Variants in TRPC1 observed in about 807,000 individuals in gnomAD.
The protein encoded by TRPC1 is short transient receptor potential channel 1.
Under a neutral mutation model 88.2 loss-of-function variants are expected in TRPC1, and 42 were observed. The observed-to-expected ratio is 0.48, with a 90% CI of 0.37 to 0.62. The LOEUF (loss-of-function observed/expected upper bound fraction) is 0.62, where lower values mean the gene tolerates loss of function less well. TRPC1 is among the 20% of genes least tolerant of loss of function. The pLI, the probability that TRPC1 is intolerant of heterozygous loss-of-function variation, is 0.00. For synonymous variants in TRPC1, 288 were observed against 331.8 expected, an observed-to-expected ratio of 0.87 and a Z score of 1.43; for missense variants, 699 against 957.3, an observed-to-expected ratio of 0.73 and a Z score of 3.56.
At chr3:142,771,745 G>A (rs1187579316) in intron 4 of TRPC1, among the ~76,000 whole-genome samples, 1 of 151,926 alleles carries the variant, frequency 6.6e-6, no homozygotes. Flanking sequence ...CTATGTTATA[G>A]GCCAAACATT....
At chr3:142,730,297 C>T (rs1296262458) in intron 1 of TRPC1, among the ~76,000 whole-genome samples, 4 of 152,060 alleles carry the variant, frequency 2.6e-5, no homozygotes, top group African/African-American at 9.7e-5. Flanking sequence ...GCATTACCTT[C>T]TGTGCTATAG....
chr3:142,786,290 A>G (rs73864434), intron 7 of TRPC1, among the ~76,000 whole-genome samples: 3,674 of 152,224 alleles, frequency 0.024, 144 homozygotes, highest in African/African-American at 0.083. Context: ...GATTGTTTCA[A>G]TTATTTAGTA....
chr3:142,763,983 T>TATATATATATATATATATATATATAC (rs1441314374), intron 4 of TRPC1, among the ~76,000 whole-genome samples: 16 of 74,310 alleles, frequency 2.2e-4, no homozygotes, highest in Middle Eastern at 5.7e-3. Flanking sequence ...TATATATATA[T>TATATATATATATATATATATATATAC]ACACATACAT....
chr3:142,752,615 C>T (rs1934812562), intron 4 of TRPC1, among the ~76,000 whole-genome samples: 2 of 152,064 alleles, frequency 1.3e-5, no homozygotes, highest in African/African-American at 4.8e-5. Flanking sequence ...CACCTCAGCA[C>T]AGACCCTTTA....
At chr3:142,790,965 GTTTA>G in intron 7 of TRPC1, 50 bp from the exon 8 acceptor site, 2 of 1,391,582 alleles carry the variant, frequency 1.4e-6, no homozygotes, top group Non-Finnish European at 1.9e-6. Context: ...GTATTATTTA[GTTTA>G]TTTATTGAAT....
At chr3:142,761,237 C>G (rs1396999869) in intron 4 of TRPC1, among the ~76,000 whole-genome samples, 2 of 151,992 alleles carry the variant, frequency 1.3e-5, no homozygotes, top group African/African-American at 2.4e-5. Flanking sequence ...CCTCCTATAC[C>G]TGTTTTGATG....
intron 4 of TRPC1, among the ~76,000 whole-genome samples, chr3:142,775,593 T>C (rs1263342507): frequency 6.6e-6 from 1 of 152,118 alleles, no homozygotes; most frequent in African/African-American, 2.4e-5. Flanking sequence ...CACTCCAGCC[T>C]GGTTAACTGA....
At chr3:142,803,175 C>G (rs897078876) in intron 10 of TRPC1, among the ~76,000 whole-genome samples, 5 of 152,168 alleles carry the variant, frequency 3.3e-5, no homozygotes, top group Non-Finnish European at 7.3e-5. Context: ...AAAAGAGTGT[C>G]TGTGTGTCAG....
chr3:142,754,535 AAAAAAT>A (rs1156943924), intron 4 of TRPC1, among the ~76,000 whole-genome samples: 1 of 152,234 alleles, frequency 6.6e-6, no homozygotes, highest in East Asian at 1.9e-4. Context: ...AAGTATAATA[AAAAAAT>A]AAAAATAAAA....
intron 4 of TRPC1, among the ~76,000 whole-genome samples, chr3:142,775,366 C>A (rs1935731765): frequency 6.6e-6 from 1 of 152,166 alleles, no homozygotes; most frequent in African/African-American, 2.4e-5. Context: ...CGCCTGTAAT[C>A]CCAGCACTTT....
chr3:142,779,861 A>ATTTTTTTTTTTTTTTT (rs1008974297), intron 5 of TRPC1, among the ~76,000 whole-genome samples: 1 of 125,422 alleles, frequency 8.0e-6, no homozygotes, highest in Non-Finnish European at 1.7e-5. Flanking sequence ...AATGTAATTG[A>ATTTTTTTTTTTTTTTT]TTTTTTTTTT....
Position 142,748,447 on chromosome 3 carries a change from C to T in TRPC1, c.619C>T (p.Leu207Phe). ...TTCTGCAAAAAACAAAAAGGATAGC[C>T]TCCGGCATTCCAGGTTAGAACATTA... ...LCSAKNKKDS[L>F]RHSRFRLDIY... The change falls in exon 4 of 13, where the codon CTC becomes TTC. Residue 207 changes from leucine (L) to phenylalanine (F), a missense_variant. Coordinates refer to ENST00000476941, the MANE Select transcript of TRPC1 (RefSeq NM_001251845.2). The T allele has an allele frequency of 1.2e-6, 2 of 1,614,002 alleles. No individual in the cohort carries two copies. Among genetic ancestry groups the T allele is most frequent in the South Asian group, 1.1e-5 (1 of 91,082 alleles).
At chr3:142,763,979 TATATAC>T (rs1935286777) in intron 4 of TRPC1, among the ~76,000 whole-genome samples, 4 of 68,746 alleles carry the variant, frequency 5.8e-5, no homozygotes, top group African/African-American at 5.3e-4. Flanking sequence ...TATATATATA[TATATAC>T]ACATACATAC....
chr3:142,742,650 T>C (rs1353215318), intron 2 of TRPC1, among the ~76,000 whole-genome samples: 3 of 152,230 alleles, frequency 2.0e-5, no homozygotes, highest in Admixed American at 6.5e-5. Flanking sequence ...AATGTACAGA[T>C]TGAAAATAAT....
At chr3:142,790,447 C>T (rs1231570485) in intron 7 of TRPC1, among the ~76,000 whole-genome samples, 2 of 152,208 alleles carry the variant, frequency 1.3e-5, no homozygotes, top group African/African-American at 2.4e-5. Flanking sequence ...CAGAACAAAA[C>T]AGGCTGAAAC....
intron 1 of TRPC1, among the ~76,000 whole-genome samples, chr3:142,729,549 TTTATC>T (rs1244120499): frequency 1.3e-5 from 2 of 152,148 alleles, no homozygotes; most frequent in Non-Finnish European, 2.9e-5. Flanking sequence ...GGGTCAGTCT[TTTATC>T]TGGGCAGTTA....
intron 4 of TRPC1, among the ~76,000 whole-genome samples, chr3:142,765,561 A>G (rs946008906): frequency 4.6e-5 from 7 of 152,182 alleles, no homozygotes; most frequent in Non-Finnish European, 8.8e-5. Context: ...AAAATAAGCA[A>G]TGAGGAAAAA....
rs528023063 is a variant in TRPC1 at position 142,804,718 on chromosome 3, C to G, written c.2154+88C>G. On this transcript the variant is annotated intron_variant, in intron 12 of 12. Transcript: ENST00000476941. The stretch of plus-strand genomic sequence containing the variant: ...TCTTAAAGCGTAAGTATGCAGGTTC[C>G]CTAAGGGCTGTGACTGTCTGACTTT... The G allele has an allele frequency of 1.6e-4, 202 of 1,284,816 alleles. 5 individuals are homozygous for G. In the South Asian group the frequency reaches 2.8e-3, roughly 18 times the overall value. The allele number at this position is 1,284,816 out of a possible 1,614,324, so 79.6% of individuals were successfully genotyped here.
chr3:142,796,399 A>G (rs1350941902), intron 9 of TRPC1, among the ~76,000 whole-genome samples: 1 of 152,084 alleles, frequency 6.6e-6, no homozygotes, highest in Non-Finnish European at 1.5e-5. Context: ...AGCCTTTTAC[A>G]CTGACAGTTG....
Sources: allele counts gnomAD v4.1 joint callset (sites outside exome capture counted in the v4.1 genomes callset), GRCh38; gene constraint gnomAD v4.1.1; transcripts MANE v1.5; gene names NCBI Gene and HGNC (gene_info 2026-07-23, HGNC 2026-07-21).